Variants in EYA2 observed in about 807,000 individuals in gnomAD.
EYA2 encodes protein phosphatase EYA2.
Under a neutral mutation model 69.2 loss-of-function variants are expected in EYA2, and 31 were observed. The ratio of observed to expected loss-of-function variants is 0.45; its 90% CI spans 0.34 to 0.60. The LOEUF (loss-of-function observed/expected upper bound fraction) is 0.60, where lower values mean the gene tolerates loss of function less well. EYA2 is among the 20% of genes least tolerant of loss of function. The pLI is 0.02. For synonymous variants in EYA2, 257 were observed against 279.4 expected (o/e 0.92, Z 0.80); for missense variants, 622 against 701.2 (o/e 0.89, Z 1.28).
intron 5 of EYA2, among the ~76,000 whole-genome samples, chr20:47,033,590 G>T (rs1369991550): frequency 6.6e-6 from 1 of 152,200 alleles, no homozygotes; most frequent in East Asian, 1.9e-4. Flanking sequence ...ACCCAGAGTG[G>T]CAGGACTGTA....
chr20:47,180,560 T>C (rs1186162540), intron 13 of EYA2, among the ~76,000 whole-genome samples: 2 of 152,234 alleles, frequency 1.3e-5, no homozygotes, highest in Non-Finnish European at 2.9e-5. Context: ...TATTTAAGTG[T>C]ATGGCCCTTG....
chr20:46,907,787 C>T (rs1568661705), intron 1 of EYA2, among the ~76,000 whole-genome samples: 1 of 152,028 alleles, frequency 6.6e-6, no homozygotes, highest in Non-Finnish European at 1.5e-5. Flanking sequence ...TGCAGTGAGC[C>T]GAGATGGTGC....
At chr20:47,180,971 G>A in intron 14 of EYA2, 35 bp downstream of exon 14, 2 of 1,602,606 alleles carry the variant, frequency 1.2e-6, no homozygotes, top group South Asian at 1.1e-5. Flanking sequence ...GGGATACAGG[G>A]TTGGAGGGTG....
chr20:47,125,556 T>TTCCAAGTA (rs2033167524), intron 9 of EYA2, among the ~76,000 whole-genome samples: 2 of 152,214 alleles, frequency 1.3e-5, no homozygotes, highest in Admixed American at 1.3e-4. Flanking sequence ...TTCCAAAAGT[T>TTCCAAGTA]TCCAAGTAAT....
chr20:47,068,495 G>C (rs1183639208), intron 5 of EYA2, among the ~76,000 whole-genome samples: 2 of 152,180 alleles, frequency 1.3e-5, no homozygotes, highest in East Asian at 3.8e-4. Flanking sequence ...TCAATTCTCA[G>C]TGTGTACTAG....
At chr20:47,026,497 A>G (rs1330678750) in intron 5 of EYA2, among the ~76,000 whole-genome samples, 2 of 152,200 alleles carry the variant, frequency 1.3e-5, no homozygotes, top group Non-Finnish European at 2.9e-5. Context: ...ACAAATGACA[A>G]AAAACAAGCA....
chr20:46,895,311 C>A (rs1983746458), intron 1 of EYA2, among the ~76,000 whole-genome samples: 2 of 151,792 alleles, frequency 1.3e-5, no homozygotes, highest in Admixed American at 1.3e-4. Context: ...GGTGTAGACG[C>A]GGCTGGGTCC....
At chr20:47,156,115 CACACACACACACATATAT>C (rs2033928534) in intron 10 of EYA2, among the ~76,000 whole-genome samples, 1 of 51,166 alleles carries the variant, frequency 2.0e-5, no homozygotes, top group Non-Finnish European at 3.4e-5. Context: ...CACACACACA[CACACACACACACATATAT>C]ATATATATAT....
chr20:47,167,707 C>CT (rs2034230387), intron 10 of EYA2, among the ~76,000 whole-genome samples: 1 of 152,158 alleles, frequency 6.6e-6, no homozygotes, highest in African/African-American at 2.4e-5. Flanking sequence ...CATCAGATCA[C>CT]TGTCTCTCTT....
chr20:47,001,757 G>T (rs1289588955), intron 3 of EYA2, among the ~76,000 whole-genome samples: 2 of 150,642 alleles, frequency 1.3e-5, no homozygotes, highest in African/African-American at 4.9e-5. Flanking sequence ...CAGAGTCTTA[G>T]CTATTATTTT....
At chr20:47,106,940 C>A (rs4810612) in intron 9 of EYA2, among the ~76,000 whole-genome samples, 1 of 152,018 alleles carries the variant, frequency 6.6e-6, no homozygotes, top group African/African-American at 2.4e-5. Context: ...CTTGAGGGAG[C>A]GAACTGGAGT....
At chr20:47,072,812 C>T (rs1157225599) in intron 6 of EYA2, among the ~76,000 whole-genome samples, 2 of 152,282 alleles carry the variant, frequency 1.3e-5, no homozygotes, top group African/African-American at 2.4e-5. Context: ...CTTCCCTGTA[C>T]ACCTAAAATT....
chr20:47,151,253 C>A (rs994145127), intron 10 of EYA2, among the ~76,000 whole-genome samples: 1 of 151,862 alleles, frequency 6.6e-6, no homozygotes, highest in African/African-American at 2.4e-5. Context: ...CACCTGTAAT[C>A]CCAGCTACTC....
intron 1 of EYA2, among the ~76,000 whole-genome samples, chr20:46,915,454 A>T (rs1984859737): frequency 6.6e-6 from 1 of 152,122 alleles, no homozygotes; most frequent in Non-Finnish European, 1.5e-5. Context: ...CCTTTGCATT[A>T]TACAGGTGGG....
chr20:47,145,185 A>C (rs2033675115), intron 10 of EYA2, among the ~76,000 whole-genome samples: 1 of 150,694 alleles, frequency 6.6e-6, no homozygotes, highest in Non-Finnish European at 1.5e-5. Flanking sequence ...AAATAAAATA[A>C]TCAGATGTGA....
chr20:47,060,260 C>T (rs895501161), intron 5 of EYA2, among the ~76,000 whole-genome samples: 3 of 152,222 alleles, frequency 2.0e-5, no homozygotes, highest in African/African-American at 7.2e-5. Context: ...GTTCGTTTGG[C>T]ATCTCAATTA....
chr20:47,043,747 A>T (rs1347768984), intron 5 of EYA2, among the ~76,000 whole-genome samples: 1 of 152,236 alleles, frequency 6.6e-6, no homozygotes, highest in Non-Finnish European at 1.5e-5. Flanking sequence ...AACTTTCCTG[A>T]CACATAATAA....
chr20:47,139,184 C>T (rs1470714151), intron 9 of EYA2, among the ~76,000 whole-genome samples: 6 of 152,142 alleles, frequency 3.9e-5, no homozygotes, highest in African/African-American at 1.2e-4. Context: ...TTCGATATGT[C>T]CCCTTGCTCA....
At chr20:46,961,868 A>G (rs1600584860) in intron 1 of EYA2, among the ~76,000 whole-genome samples, 1 of 152,356 alleles carries the variant, frequency 6.6e-6, no homozygotes, top group East Asian at 1.9e-4. Flanking sequence ...AGAGGCTGAG[A>G]ATGGTGCAGG....
Sources: allele counts gnomAD v4.1 joint callset (sites outside exome capture counted in the v4.1 genomes callset), GRCh38; gene constraint gnomAD v4.1.1; transcripts MANE v1.5; gene names NCBI Gene and HGNC (gene_info 2026-07-23, HGNC 2026-07-21).